KCNAB1: variants seen among roughly 807,000 people sequenced by gnomAD.
KCNAB1 encodes potassium voltage-gated channel subfamily A regulatory beta subunit 1, also known as voltage-gated potassium channel subunit beta-1.
In KCNAB1, 35 loss-of-function variants were observed where a neutral mutation model predicts 64.6. The observed-to-expected ratio is 0.54, with a 90% CI of 0.41 to 0.72. The LOEUF (loss-of-function observed/expected upper bound fraction) is 0.72, where lower values mean the gene tolerates loss of function less well. Among genes scored for constraint, KCNAB1 ranks in the 30% least tolerant of loss-of-function variants. The pLI is 0.00. For synonymous variants in KCNAB1, 177 were observed against 183.8 expected (o/e 0.96, Z 0.30); for missense variants, 401 against 512.9 (o/e 0.78, Z 2.11).
chr3:156,332,804 A>G (rs763191727), intron 1 of KCNAB1, among the ~76,000 whole-genome samples: 2 of 152,140 alleles, frequency 1.3e-5, no homozygotes, highest in Non-Finnish European at 2.9e-5. Flanking sequence ...CCTTACCCTT[A>G]AGTACTTAGT....
intron 1 of KCNAB1, among the ~76,000 whole-genome samples, chr3:156,264,914 C>T (rs1464783830): frequency 6.6e-6 from 1 of 152,182 alleles, no homozygotes; most frequent in Non-Finnish European, 1.5e-5. Flanking sequence ...GACCACTTAG[C>T]TTATTTGGTT....
intron 7 of KCNAB1, among the ~76,000 whole-genome samples, chr3:156,467,018 T>C (rs1221728994): frequency 6.6e-6 from 1 of 152,110 alleles, no homozygotes; most frequent in Non-Finnish European, 1.5e-5. Flanking sequence ...AAAATGCGTT[T>C]AATACACCTA....
intron 1 of KCNAB1, among the ~76,000 whole-genome samples, chr3:156,349,320 C>T (rs1249467505): frequency 1.3e-5 from 2 of 152,294 alleles, no homozygotes; most frequent in East Asian, 1.9e-4. Flanking sequence ...CTGTCTCTGG[C>T]CCAGCCCTAT....
Position 156,247,907 on chromosome 3 carries a change from A to G in KCNAB1, c.275+127021A>G, listed in dbSNP as rs190122722. Among the ~76,000 whole-genome samples the G allele has an allele frequency of 1.3e-4, 20 of 151,932 alleles. No individual in the cohort carries two copies. In the East Asian group the frequency reaches 2.9e-3, roughly 22 times the overall value. On this transcript the variant is annotated intron_variant, in intron 1 of 13. Coordinates refer to ENST00000490337, the MANE Select transcript of KCNAB1 (RefSeq NM_172160.3). Reference sequence around the variant, plus strand: ...TTGTGTCACCAGCAACTGTGTTTCTATTGTCTGTTTACAGTTCTCAATTCC... The same window carrying G: ...TTGTGTCACCAGCAACTGTGTTTCTGTTGTCTGTTTACAGTTCTCAATTCC...
At chr3:156,252,824 C>T (rs897713832) in intron 1 of KCNAB1, among the ~76,000 whole-genome samples, 2 of 152,192 alleles carry the variant, frequency 1.3e-5, no homozygotes, top group African/African-American at 4.8e-5. Flanking sequence ...AGCTTTCCAA[C>T]GCGCATTGTC....
chr3:156,419,738 C>T (rs1186743288), intron 1 of KCNAB1, among the ~76,000 whole-genome samples: 3 of 152,166 alleles, frequency 2.0e-5, no homozygotes, highest in Non-Finnish European at 2.9e-5. Context: ...TAAGATGTAT[C>T]CCATGTTACT....
intron 1 of KCNAB1, among the ~76,000 whole-genome samples, chr3:156,294,303 A>G (rs1033977201): frequency 5.3e-5 from 8 of 152,194 alleles, no homozygotes; most frequent in African/African-American, 1.9e-4. Context: ...AGGTAACTAA[A>G]CAAGATGCCT....
At chr3:156,417,554 C>T (rs755163277) in intron 1 of KCNAB1, among the ~76,000 whole-genome samples, 5 of 152,138 alleles carry the variant, frequency 3.3e-5, no homozygotes, top group Non-Finnish European at 5.9e-5. Context: ...GTCTAAGATA[C>T]GTACATCGAG....
At chr3:156,140,892 G>A (rs896648071) in intron 1 of KCNAB1, among the ~76,000 whole-genome samples, 5 of 152,124 alleles carry the variant, frequency 3.3e-5, no homozygotes, top group Admixed American at 2.6e-4. Flanking sequence ...GCATGTGCGC[G>A]TGTGTGAAGA....
chr3:156,503,853 A>G lies in KCNAB1; in HGVS notation c.659-10511A>G, dbSNP rs565540228. On this transcript the variant is annotated intron_variant, in intron 8 of 13. Transcript: ENST00000490337. ...CCTGTATACAATGTGTTGTGATCAA[A>G]TCAAAGTCATTAACATATCCATCAC... Among the ~76,000 whole-genome samples the G allele has an allele frequency of 2.6e-5, 4 of 152,342 alleles. No homozygotes were observed. The East Asian group carries it at 7.7e-4, about 29-fold the overall frequency.
intron 1 of KCNAB1, among the ~76,000 whole-genome samples, chr3:156,296,011 T>C (rs933830516): frequency 6.6e-6 from 1 of 152,240 alleles, no homozygotes; most frequent in African/African-American, 2.4e-5. Context: ...ATCATTTCAC[T>C]CTCAGAGTTT....
At chr3:156,368,110 C>G (rs1726063680) in intron 1 of KCNAB1, among the ~76,000 whole-genome samples, 1 of 152,156 alleles carries the variant, frequency 6.6e-6, no homozygotes, top group African/African-American at 2.4e-5. Context: ...TACAGAATGC[C>G]CAGTTAAATT....
intron 1 of KCNAB1, among the ~76,000 whole-genome samples, chr3:156,269,350 G>C (rs1488177920): frequency 1.3e-5 from 2 of 152,186 alleles, no homozygotes; most frequent in African/African-American, 4.8e-5. Flanking sequence ...GGTCAGAAAA[G>C]ATACTTGATA....
intron 1 of KCNAB1, among the ~76,000 whole-genome samples, chr3:156,143,894 G>A (rs1290091620): frequency 1.4e-5 from 2 of 142,088 alleles, no homozygotes; most frequent in African/African-American, 5.2e-5. Context: ...TCCTTGAAAT[G>A]ACAGCACTTT....
intron 2 of KCNAB1, chr3:156,441,285 G>A (rs1576870138): frequency 6.6e-6 from 1 of 152,116 alleles, no homozygotes; most frequent in East Asian, 1.9e-4. Flanking sequence ...ACAATTCACT[G>A]AACCATCAAA....
intron 1 of KCNAB1, among the ~76,000 whole-genome samples, chr3:156,231,640 C>T (rs904755755): frequency 6.6e-6 from 1 of 151,728 alleles, no homozygotes; most frequent in Non-Finnish European, 1.5e-5. Flanking sequence ...ACAACCCGCT[C>T]TCTCTCTGAA....
intron 1 of KCNAB1, among the ~76,000 whole-genome samples, chr3:156,344,373 C>T (rs1488188885): frequency 6.6e-6 from 1 of 152,196 alleles, no homozygotes; most frequent in Non-Finnish European, 1.5e-5. Flanking sequence ...AGCCATTTTC[C>T]TGTTCTGAAA....
chr3:156,521,499 C>G (rs779810015), intron 11 of KCNAB1, among the ~76,000 whole-genome samples: 5 of 152,228 alleles, frequency 3.3e-5, no homozygotes, highest in Non-Finnish European at 5.9e-5. Context: ...ACATGAACAA[C>G]AAGCCATCCC....
chr3:156,436,441 A>AT (rs1357348174), intron 2 of KCNAB1, among the ~76,000 whole-genome samples: 2 of 152,194 alleles, frequency 1.3e-5, no homozygotes, highest in Non-Finnish European at 2.9e-5. Context: ...CAGTAATGGG[A>AT]TTGCTGGGTC....
Sources: gnomAD v4.1 joint callset for allele counts (sites outside exome capture counted in the v4.1 genomes callset) on GRCh38, gnomAD v4.1.1 for gene constraint, MANE v1.5 for transcripts, NCBI Gene and HGNC (gene_info 2026-07-23, HGNC 2026-07-21) for gene names.